The following CAGE1 variants were observed in gnomAD, a reference collection of about 807,000 sequenced individuals.
CAGE1 encodes the protein cancer-associated gene 1 protein.
Under a neutral mutation model 94.9 loss-of-function variants are expected in CAGE1, and 66 were observed. The observed-to-expected ratio is 0.70, with a 90% CI of 0.57 to 0.85. The LOEUF (loss-of-function observed/expected upper bound fraction) is 0.85, where lower values mean the gene tolerates loss of function less well. CAGE1 is among the 40% of genes least tolerant of loss of function. The pLI is 0.00. For missense variants in CAGE1, 865 were observed against 950.4 expected (o/e 0.91, Z 1.18); for synonymous variants, 319 against 321.0 (o/e 0.99, Z 0.07).
intron 2 of CAGE1, among the ~76,000 whole-genome samples, 198 bp downstream of exon 2, chr6:7,386,781 C>G (rs1164442704): frequency 1.3e-5 from 2 of 152,126 alleles, no homozygotes; most frequent in African/African-American, 2.4e-5. Context: ...GAGATGGGGT[C>G]TCACCATGTT....
intron 9 of CAGE1, among the ~76,000 whole-genome samples, chr6:7,360,797 A>T (rs988471858): frequency 6.6e-6 from 1 of 151,992 alleles, no homozygotes; most frequent in Non-Finnish European, 1.5e-5. Context: ...ATACCAAAAA[A>T]TTAGCCAGGT....
chr6:7,358,994 T>A (rs915966044), intron 9 of CAGE1, among the ~76,000 whole-genome samples: 1 of 152,224 alleles, frequency 6.6e-6, no homozygotes, highest in Non-Finnish European at 1.5e-5. Context: ...GTCAGTCTTT[T>A]TAATTTTAGA....
intron 9 of CAGE1, among the ~76,000 whole-genome samples, chr6:7,358,005 A>ACTG (rs1760017078): frequency 7.7e-6 from 1 of 130,208 alleles, no homozygotes; most frequent in Non-Finnish European, 1.6e-5. Context: ...TGTTGGCCAG[A>ACTG]CTGCGGTTAG....
At chr6:7,358,127 A>G (rs543575692) in intron 9 of CAGE1, among the ~76,000 whole-genome samples, 1 of 140,270 alleles carries the variant, frequency 7.1e-6, no homozygotes, top group Admixed American at 7.5e-5. Flanking sequence ...AACCTCCACA[A>G]CCAAAGTTTC....
chr6:7,379,014 T>C lies in CAGE1; in HGVS notation c.290A>G (p.Asn97Ser), dbSNP rs1760849476. Residue 97 changes from asparagine (N) to serine (S), a missense_variant, in exon 4 of 14, where the codon AAC becomes AGC. By Grantham distance (46) the Asn-to-Ser change is conservative. Transcript: ENST00000502583. The stretch of plus-strand genomic sequence containing the variant: ...TGCATTCGTTGAGTAATTTTCAATG[T>C]TGTTATCTCATAAGAAAGAGAAAGA... ...GTLDNLLNDNNIENYSTNALI... is the reference protein window; with the variant it reads ...GTLDNLLNDNSIENYSTNALI... 3 of 1,508,344 alleles carry C rather than the reference T, an allele frequency of 2.0e-6. No individual in the cohort carries two copies. Among genetic ancestry groups the C allele is most frequent in the African/African-American group, 2.8e-5 (2 of 71,286 alleles). The allele number at this position is 1,508,344 out of a possible 1,614,324, so 93.4% of individuals were successfully genotyped here. A position where few individuals can be genotyped will look rare whatever the true frequency, so the allele number is the denominator to read the frequency against.
At chr6:7,358,027 G>GATATAGATATATATATATAT (rs1748233178) in intron 9 of CAGE1, among the ~76,000 whole-genome samples, 1 of 48,082 alleles carries the variant, frequency 2.1e-5, no homozygotes, top group African/African-American at 5.9e-5. Context: ...TAAGTTTTGA[G>GATATAGATATATATATATAT]ATATATATAT....
intron 4 of CAGE1, among the ~76,000 whole-genome samples, chr6:7,378,194 T>C (rs1326117418): frequency 1.3e-5 from 2 of 152,256 alleles, no homozygotes; most frequent in African/African-American, 4.8e-5. Context: ...TTGTTTGTGG[T>C]GAAAAAAAAT....
chr6:7,382,451 G>A (rs1475484925), intron 3 of CAGE1, among the ~76,000 whole-genome samples: 2 of 151,800 alleles, frequency 1.3e-5, no homozygotes, highest in Non-Finnish European at 2.9e-5. Context: ...ACAGGCACGC[G>A]CCACTATGCC....
intron 7 of CAGE1, among the ~76,000 whole-genome samples, chr6:7,367,466 A>T (rs753847860): frequency 1.2e-4 from 18 of 151,782 alleles, no homozygotes; most frequent in South Asian, 4.2e-4. Context: ...GTAGAGACGG[A>T]GTTTCCCCAT....
At chr6:7,344,425 T>C (rs1759335713) in intron 11 of CAGE1, among the ~76,000 whole-genome samples, 1 of 152,232 alleles carries the variant, frequency 6.6e-6, no homozygotes, top group East Asian at 1.9e-4. Context: ...CTGTGCTCGA[T>C]TTCTCACCGT....
At chr6:7,343,855 G>A (rs1254896884) in intron 11 of CAGE1, among the ~76,000 whole-genome samples, 1 of 152,180 alleles carries the variant, frequency 6.6e-6, no homozygotes, top group Non-Finnish European at 1.5e-5. Flanking sequence ...TCACCAGGAT[G>A]ATGTAATGAT....
intron 11 of CAGE1, among the ~76,000 whole-genome samples, chr6:7,345,318 G>A (rs1464624718): frequency 6.6e-6 from 1 of 151,992 alleles, no homozygotes; most frequent in Non-Finnish European, 1.5e-5. Flanking sequence ...TTCTGAACCA[G>A]CGAGACCACT....
At chr6:7,348,227 A>T (rs1177575013) in intron 11 of CAGE1, among the ~76,000 whole-genome samples, 1 of 152,178 alleles carries the variant, frequency 6.6e-6, no homozygotes, top group Non-Finnish European at 1.5e-5. Flanking sequence ...GCTGATATCC[A>T]TAGACAGTTC....
In CAGE1 at chr6:7,354,527, A is replaced by G. The variant is rs185647616; in HGVS notation, c.2369+514T>C. On this transcript the variant is annotated intron_variant, in intron 11 of 13. Transcript: ENST00000502583. ...TAGCTCCAGTGATAGCCAGCACAGC[A>G]TATATGAAATTGGGGGAAGGATGGA... Among the ~76,000 whole-genome samples the G allele has an allele frequency of 1.0e-3, 155 of 152,306 alleles. 1 individual carries two copies. The South Asian group carries it at 0.012, about 12-fold the overall frequency.
In CAGE1 at chr6:7,385,769, A is replaced by G; in HGVS notation, c.283+16T>C. On this transcript the variant is annotated intron_variant, in intron 3 of 13. Coordinates refer to ENST00000502583, the MANE Select transcript of CAGE1 (RefSeq NM_001170692.2). ...AGTTTCTCTCTTTTGCATATTGCTA[A>G]CAAGTAGATACTTACCATTTAACAA... 1.4e-6 allele frequency: 2 copies of G among 1,469,430 alleles called. No individual in the cohort carries two copies. Among genetic ancestry groups the G allele is most frequent in the Non-Finnish European group, 1.8e-6 (2 of 1,094,502 alleles). 91.0% of individuals were successfully genotyped at this position (1,469,430 alleles called of 1,614,324 possible). A position where few individuals can be genotyped will look rare whatever the true frequency, so the allele number is the denominator to read the frequency against.
rs760455037 is a variant in CAGE1, at chr6:7,378,714, C to T, written c.590G>A (p.Ser197Asn). ...PPRSPPLIHC[S>N]GEMLKFTEKS... ...TTCTGTAAATTTCAGCATCTCTCCA[C>T]TGCAGTGGATTAGAGGCGGGCTTCT... The change falls in exon 4 of 14, where the codon AGT (serine) becomes AAT (asparagine). Residue 197 changes from serine (S) to asparagine (N), a missense_variant. Coordinates refer to ENST00000502583, the MANE Select transcript of CAGE1 (RefSeq NM_001170692.2). 6 of 1,613,840 alleles carry T rather than the reference C, an allele frequency of 3.7e-6. No individual in the cohort carries two copies. In the African/African-American group the frequency reaches 6.7e-5, roughly 18 times the overall value.
At chr6:7,345,667 C>T (rs112313997) in intron 11 of CAGE1, among the ~76,000 whole-genome samples, 2,906 of 152,262 alleles carry the variant, frequency 0.019, 101 homozygotes, top group African/African-American at 0.066. Context: ...GTGGCTCATG[C>T]TTGTAATCCC....
chr6:7,352,296 A>AAAAAAAC (rs1759801149), intron 11 of CAGE1, among the ~76,000 whole-genome samples: 2 of 121,970 alleles, frequency 1.6e-5, no homozygotes, highest in African/African-American at 6.9e-5. Context: ...GCTGCAAAAA[A>AAAAAAAC]AAAAAAAAAC....
intron 11 of CAGE1, among the ~76,000 whole-genome samples, chr6:7,343,748 TAGA>T (rs1371388097): frequency 1.6e-4 from 25 of 152,220 alleles, no homozygotes; most frequent in Middle Eastern, 3.4e-3. Context: ...AGGAATGGAA[TAGA>T]AGGTCACCTT....
Sources: gnomAD v4.1 joint callset for allele counts (sites outside exome capture counted in the v4.1 genomes callset) on GRCh38, gnomAD v4.1.1 for gene constraint, MANE v1.5 for transcripts, NCBI Gene and HGNC (gene_info 2026-07-23, HGNC 2026-07-21) for gene names.